Variants in ACSL5 observed in about 807,000 individuals in gnomAD.
ACSL5 encodes acyl-CoA synthetase long chain family member 5.
ACSL5 carries 50 observed loss-of-function variants against 84.9 expected under a neutral mutation model. The ratio of observed to expected loss-of-function variants is 0.59; its 90% CI spans 0.47 to 0.75. The LOEUF is 0.75. Among genes scored for constraint, ACSL5 ranks in the 30% least tolerant of loss-of-function variants. The pLI, the probability that ACSL5 is intolerant of heterozygous loss-of-function variation, is 0.00. For missense variants in ACSL5, 775 were observed against 830.4 expected (o/e 0.93, Z 0.82); for synonymous variants, 280 against 300.7 (o/e 0.93, Z 0.71).
At chr10:112,412,888 T>TG (rs3830190) in intron 11 of ACSL5, among the ~76,000 whole-genome samples, 70,552 of 152,034 alleles carry the variant, frequency 0.46, 16,947 homozygotes, top group South Asian at 0.58. Flanking sequence ...TGGTGGAGTC[T>TG]GGGGGACCAC....
chr10:112,421,899 T>A (rs772959969), intron 15 of ACSL5, 48 bp from the exon 16 acceptor site: 8 of 1,560,978 alleles, frequency 5.1e-6, no homozygotes, highest in Non-Finnish European at 5.3e-6. Flanking sequence ...TGCCTGGAAT[T>A]ATCACCATGC....
chr10:112,421,845 C>A, intron 15 of ACSL5, 102 bp from the exon 16 acceptor site: 1 of 1,390,802 alleles, frequency 7.2e-7, no homozygotes, highest in Non-Finnish European at 1.0e-6. Flanking sequence ...GGTGATTTTT[C>A]AGTCTTCCTC....
chr10:112,387,849 T>C (rs1849483189), intron 1 of ACSL5, among the ~76,000 whole-genome samples: 1 of 151,906 alleles, frequency 6.6e-6, no homozygotes, highest in Non-Finnish European at 1.5e-5. Flanking sequence ...TTAAAGCTTA[T>C]AATTGCAATT....
intron 1 of ACSL5, among the ~76,000 whole-genome samples, chr10:112,385,338 C>G (rs368349513): frequency 2.6e-5 from 4 of 152,252 alleles, no homozygotes; most frequent in African/African-American, 9.6e-5. Context: ...CTGTACTTTA[C>G]ATGTCATTTG....
Position 112,422,042 on chromosome 10 carries a change from A to C in ACSL5, c.1476+7A>C. On this transcript the variant is annotated splice_region_variant and intron_variant, in intron 16 of 20. Coordinates refer to ENST00000354655, the MANE Select transcript of ACSL5 (RefSeq NM_203379.2). ...AGTGAATAATGAAGGAGAGGTGGGTAGGTCATGCCCTGTGGTCAGACAGTC... is the reference window on the plus strand; with the variant it reads ...AGTGAATAATGAAGGAGAGGTGGGTCGGTCATGCCCTGTGGTCAGACAGTC... 1 of 1,613,994 alleles carries C rather than the reference A, an allele frequency of 6.2e-7. No individual in the cohort carries two copies. The highest frequency in any genetic ancestry group is 1.3e-5 in the African/African-American group (1 of 75,074).
intron 1 of ACSL5, among the ~76,000 whole-genome samples, chr10:112,382,757 C>T (rs1333925685): frequency 1.3e-5 from 2 of 152,212 alleles, no homozygotes; most frequent in East Asian, 3.8e-4. Context: ...AGCTGTCTTA[C>T]ACATTGGGAC....
chr10:112,410,356 T>C, intron 7 of ACSL5, 107 bp from the exon 8 acceptor site: 1 of 1,575,408 alleles, frequency 6.3e-7, no homozygotes, highest in South Asian at 1.2e-5. Context: ...ATTTTGCTTA[T>C]ATTCCCATAG....
chr10:112,411,971 A>G lies in ACSL5; in HGVS notation c.940A>G (p.Ile314Val). The stretch of plus-strand genomic sequence containing the variant: ...CCCTCTGGCTCATATGTTTGAGAGG[A>G]TTGTACAGGTGAGTGTTCTGTGTTC... ...YLPLAHMFER[I>V]VQAVVYSCGA... Residue 314 changes from isoleucine (I) to valine (V), a missense_variant, in exon 11 of 21, where the codon ATT becomes GTT. Physicochemically the swap from Ile to Val is conservative, Grantham distance 29. Transcript: ENST00000354655. The G allele has an allele frequency of 6.2e-7, 1 of 1,612,608 alleles. No individual in the cohort carries two copies. Among genetic ancestry groups the G allele is most frequent in the Non-Finnish European group, 8.5e-7 (1 of 1,178,646 alleles).
Position 112,410,621 on chromosome 10 carries a change from C to T in ACSL5, c.782C>T (p.Thr261Ile). 6.2e-7 allele frequency: 1 copy of T among 1,613,748 alleles called. No individual in the cohort carries two copies. Among genetic ancestry groups the T allele is most frequent in the Non-Finnish European group, 8.5e-7 (1 of 1,179,938 alleles). ...GAAGACCTGAGCGTCATCTGCTTCA[C>T]CAGTGGGACCACAGGTCTGTGCCCA... The part of the protein sequence containing the change: ...SPEDLSVICF[T>I]SGTTGDPKGA... Residue 261 changes from threonine (T) to isoleucine (I), a missense_variant, in exon 9 of 21, where the codon ACC becomes ATC. Physicochemically the swap from Thr to Ile is moderately conservative, Grantham distance 89. Transcript: ENST00000354655.
chr10:112,404,880 C>T, intron 5 of ACSL5, 74 bp downstream of exon 5: 1 of 1,315,950 alleles, frequency 7.6e-7, no homozygotes, highest in Non-Finnish European at 1.1e-6. Flanking sequence ...ATTCCCCGTC[C>T]AGCATTCCAA....
At position 112,387,964 on chromosome 10, in the gene ACSL5, A is replaced by G. The variant is rs569533663; in HGVS notation, c.-29-6954A>G. Reference sequence around the variant, plus strand: ...TTTTTTTTTTTTTTTTTGGAGACAGAGTCTTGCTCTGTCACCCAGGCTGGA... The same window carrying G: ...TTTTTTTTTTTTTTTTTGGAGACAGGGTCTTGCTCTGTCACCCAGGCTGGA... On this transcript the variant is annotated intron_variant, in intron 1 of 20. Coordinates refer to ENST00000354655, the MANE Select transcript of ACSL5 (RefSeq NM_203379.2). 3.7e-5 allele frequency among the ~76,000 whole-genome samples: 5 copies of G among 134,228 alleles called. No homozygotes were observed. The South Asian group carries it at 9.6e-4, about 26-fold the overall frequency. 88.1% of individuals were successfully genotyped at this position (134,228 alleles called of 152,430 possible).
intron 1 of ACSL5, among the ~76,000 whole-genome samples, chr10:112,389,642 G>A (rs1247770935): frequency 6.6e-6 from 1 of 152,110 alleles, no homozygotes; most frequent in Non-Finnish European, 1.5e-5. Context: ...GGGATTCTGT[G>A]GAGTGACTAA....
At chr10:112,382,973 A>G (rs1034479796) in intron 1 of ACSL5, among the ~76,000 whole-genome samples, 2 of 152,178 alleles carry the variant, frequency 1.3e-5, no homozygotes, top group African/African-American at 4.8e-5. Context: ...GGAGATGATA[A>G]GAAGGACCTT....
intron 12 of ACSL5, among the ~76,000 whole-genome samples, chr10:112,416,361 C>T (rs1297644166): frequency 6.6e-6 from 1 of 150,802 alleles, no homozygotes; most frequent in African/African-American, 2.4e-5. Context: ...GTCCCAGCTA[C>T]TCAGGAGGCT....
At chr10:112,388,664 A>G (rs962152468) in intron 1 of ACSL5, among the ~76,000 whole-genome samples, 6 of 152,250 alleles carry the variant, frequency 3.9e-5, no homozygotes, top group Non-Finnish European at 8.8e-5. Context: ...TCCAAAGAGA[A>G]CATCAGCTCA....
At chr10:112,377,000 T>C (rs4341465) in intron 1 of ACSL5, among the ~76,000 whole-genome samples, 19,478 of 26,320 alleles carry the variant, frequency 0.74, 8,763 homozygotes, top group Middle Eastern at 0.97. Flanking sequence ...ACTCTACCAC[T>C]GGAGACCCTC....
chr10:112,394,206 A>G (rs767055018), intron 1 of ACSL5, among the ~76,000 whole-genome samples: 5 of 152,166 alleles, frequency 3.3e-5, no homozygotes, highest in South Asian at 2.1e-4. Context: ...TAACTCTTCA[A>G]TGCTCACCAC....
intron 14 of ACSL5, among the ~76,000 whole-genome samples, chr10:112,418,425 C>CA: frequency 6.6e-6 from 1 of 151,884 alleles, no homozygotes; most frequent in African/African-American, 2.4e-5. Context: ...ACTAAAAATA[C>CA]AAAAAAATTA....
intron 1 of ACSL5, among the ~76,000 whole-genome samples, chr10:112,378,699 C>G (rs1040903298): frequency 4.6e-5 from 7 of 152,076 alleles, no homozygotes; most frequent in Admixed American, 3.9e-4. Context: ...GTGACGTAAC[C>G]CCAGCAGCCA....
Sources: gnomAD v4.1 joint callset for allele counts (sites outside exome capture counted in the v4.1 genomes callset) on GRCh38, gnomAD v4.1.1 for gene constraint, MANE v1.5 for transcripts, NCBI Gene and HGNC (gene_info 2026-07-23, HGNC 2026-07-21) for gene names.